The following PACS1 variants were observed in gnomAD, a reference collection of about 807,000 sequenced individuals.
PACS1 encodes phosphofurin acidic cluster sorting protein 1, also known as PACS-1.
A neutral mutation model predicts 115.0 loss-of-function variants in PACS1; 24 were observed. That is an observed-to-expected ratio of 0.21 (90% CI 0.15 to 0.29). The LOEUF (loss-of-function observed/expected upper bound fraction) is 0.29. PACS1 is among the 10% of genes least tolerant of loss of function. PACS1 has a pLI of 1.00. For missense variants in PACS1, 838 were observed against 1,251.2 expected (o/e 0.67, Z 4.98); for synonymous variants, 453 against 504.5 (o/e 0.90, Z 1.37).
intron 1 of PACS1, among the ~76,000 whole-genome samples, chr11:66,137,022 G>GCCCCCCC (rs10719542): frequency 7.6e-6 from 1 of 132,224 alleles, no homozygotes; most frequent in African/African-American, 2.8e-5. Flanking sequence ...GTCACAAATT[G>GCCCCCCC]CCCCCCCCCC....
At chr11:66,186,762 T>G (rs557586180) in intron 1 of PACS1, among the ~76,000 whole-genome samples, 1 of 151,748 alleles carries the variant, frequency 6.6e-6, no homozygotes, top group African/African-American at 2.4e-5. Context: ...CATTCAGGCA[T>G]TTTTTTTGTT....
At chr11:66,216,823 G>C in intron 7 of PACS1, 48 bp downstream of exon 7, 2 of 1,407,818 alleles carry the variant, frequency 1.4e-6, no homozygotes, top group East Asian at 4.6e-5. Flanking sequence ...TTTCAGTCTG[G>C]GGGTAGGTTG....
intron 2 of PACS1, among the ~76,000 whole-genome samples, chr11:66,207,518 G>A (rs1854969953): frequency 6.6e-6 from 1 of 152,154 alleles, no homozygotes; most frequent in Admixed American, 6.5e-5. Context: ...TTCCAGTTGT[G>A]GCATGAATCT....
chr11:66,148,117 G>C lies in PACS1; in HGVS notation c.357-45369G>C, dbSNP rs1859165417. On this transcript the variant is annotated intron_variant, in intron 1 of 23. Transcript: ENST00000320580. ...GGCATAATCCTTTTGAAAGCTAGTT[G>C]GGCAGTAGCCATTAAAAATGTACTT... Among the ~76,000 whole-genome samples, 3 of 152,072 alleles carry C rather than the reference G, an allele frequency of 2.0e-5. No homozygotes were observed. In the South Asian group the frequency reaches 6.2e-4, roughly 31 times the overall value.
At chr11:66,230,464 G>C in intron 11 of PACS1, 84 bp from the exon 12 acceptor site, 3 of 876,862 alleles carry the variant, frequency 3.4e-6, no homozygotes, top group Non-Finnish European at 5.7e-6. Context: ...TCAGGATGGT[G>C]ATGGGGCCTG....
At chr11:66,149,641 T>C (rs1309533589) in intron 1 of PACS1, among the ~76,000 whole-genome samples, 1 of 152,144 alleles carries the variant, frequency 6.6e-6, no homozygotes, top group Non-Finnish European at 1.5e-5. Context: ...ACCCGGTCTA[T>C]AAACAGCACT....
intron 1 of PACS1, among the ~76,000 whole-genome samples, chr11:66,124,708 G>A (rs1858530676): frequency 6.6e-6 from 1 of 152,178 alleles, no homozygotes; most frequent in Admixed American, 6.5e-5. Flanking sequence ...AGACATCTTA[G>A]GTCAGTGTGT....
chr11:66,237,401 G>A (rs746323601), intron 19 of PACS1, among the ~76,000 whole-genome samples: 4 of 152,132 alleles, frequency 2.6e-5, no homozygotes, highest in Non-Finnish European at 4.4e-5. Flanking sequence ...AGGCTCCCTC[G>A]TAGCTTCTAG....
At chr11:66,213,760 G>A (rs191144307) in intron 4 of PACS1, among the ~76,000 whole-genome samples, 93 of 152,332 alleles carry the variant, frequency 6.1e-4, no homozygotes, top group African/African-American at 1.4e-3. Flanking sequence ...TGGGCTGGGC[G>A]CAGTGGCTTA....
chr11:66,151,041 A>G (rs1371628656), intron 1 of PACS1, among the ~76,000 whole-genome samples: 1 of 152,116 alleles, frequency 6.6e-6, no homozygotes, highest in African/African-American at 2.4e-5. Context: ...GAATCCTGGA[A>G]ACAAGAGAGG....
At chr11:66,203,054 A>AAGGAAGAAATCAAATT (rs1854853220) in intron 2 of PACS1, among the ~76,000 whole-genome samples, 1 of 152,084 alleles carries the variant, frequency 6.6e-6, no homozygotes, top group Admixed American at 6.6e-5. Context: ...CCAGATTGGA[A>AAGGAAGAAATCAAATT]AGGAAGAAAT....
intron 1 of PACS1, among the ~76,000 whole-genome samples, chr11:66,188,437 T>C (rs994355820): frequency 6.6e-6 from 1 of 152,156 alleles, no homozygotes; most frequent in Admixed American, 6.5e-5. Context: ...CCAAATGGTT[T>C]TCTCGAGTAA....
intron 1 of PACS1, among the ~76,000 whole-genome samples, chr11:66,126,431 A>T (rs550911433): frequency 1.3e-4 from 20 of 152,344 alleles, no homozygotes; most frequent in African/African-American, 4.6e-4. Flanking sequence ...GTTTTCCTTA[A>T]TTGGAACCTG....
chr11:66,236,768 T>A lies in PACS1; in HGVS notation c.2250+828T>A, dbSNP rs150845350. 0.016 allele frequency among the ~76,000 whole-genome samples: 2,374 copies of A among 151,818 alleles called. 23 individuals carry two copies. Among genetic ancestry groups the A allele is most frequent in the Middle Eastern group, 0.031 (9 of 294 alleles). On this transcript the variant is annotated intron_variant, in intron 19 of 23. Coordinates refer to ENST00000320580, the MANE Select transcript of PACS1 (RefSeq NM_018026.4). The surrounding 1 kb of genome is among the most constrained non-coding windows in gnomAD (Gnocchi z 4.2). ...CCAGCTTCTATCTTTTTTTATTATT[T>A]TTTTTTTTTATGAGATGGAGTCTGA...
chr11:66,150,908 A>T (rs574111349), intron 1 of PACS1, among the ~76,000 whole-genome samples: 1 of 152,214 alleles, frequency 6.6e-6, no homozygotes, highest in South Asian at 2.1e-4. Flanking sequence ...GCCAGAGGTT[A>T]TGCATCAGTA....
intron 1 of PACS1, among the ~76,000 whole-genome samples, chr11:66,135,497 G>A (rs746471466): frequency 5.3e-5 from 8 of 152,116 alleles, no homozygotes; most frequent in Non-Finnish European, 8.8e-5. Flanking sequence ...ATAAATGAAA[G>A]TTCTTCATTT....
intron 1 of PACS1, among the ~76,000 whole-genome samples, chr11:66,180,633 G>A (rs564643634): frequency 2.6e-4 from 40 of 151,984 alleles, no homozygotes; most frequent in Middle Eastern, 3.4e-3. Flanking sequence ...AATTACAGGC[G>A]TGCGCCACCG....
Position 66,230,238 on chromosome 11 carries a change from CTAGGGG to C in PACS1, c.1375-308_1375-303del, listed in dbSNP as rs1369421648. On this transcript the variant is annotated intron_variant, in intron 11 of 23. Transcript: ENST00000320580. Reference sequence around the variant, plus strand: ...CGGTCAGGGCACCAGGGAGATGCATCTAGGGGTCCCCTCTTCACTCCTGGAGACAGC... The same window carrying C: ...CGGTCAGGGCACCAGGGAGATGCATCTCCCCTCTTCACTCCTGGAGACAGC... 1.4e-5 allele frequency: 5 copies of C among 354,010 alleles called. No individual in the cohort carries two copies. The Admixed American group carries it at 2.1e-4, about 15-fold the overall frequency. The allele number at this position is 354,010 out of a possible 1,614,324, so 21.9% of individuals were successfully genotyped here. A position where few individuals can be genotyped will look rare whatever the true frequency, so the allele number is the denominator to read the frequency against.
At chr11:66,103,117 C>CCT in intron 1 of PACS1, among the ~76,000 whole-genome samples, 1 of 152,346 alleles carries the variant, frequency 6.6e-6, no homozygotes, top group African/African-American at 2.4e-5. Flanking sequence ...AGGCATGAGC[C>CCT]ACCAAGCCTG....
Sources: allele counts gnomAD v4.1 joint callset (sites outside exome capture counted in the v4.1 genomes callset), GRCh38; gene constraint gnomAD v4.1.1; non-coding constraint Gnocchi (gnomAD v3.1); transcripts MANE v1.5; gene names NCBI Gene and HGNC (gene_info 2026-07-23, HGNC 2026-07-21).